The following HACE1 variants were observed in gnomAD, a reference collection of about 807,000 sequenced individuals.
HACE1 encodes E3 ubiquitin-protein ligase HACE1.
Under a neutral mutation model 118.4 loss-of-function variants are expected in HACE1, and 73 were observed. The ratio of observed to expected loss-of-function variants is 0.62; its 90% CI spans 0.51 to 0.75. The LOEUF is 0.75. Among genes scored for constraint, HACE1 ranks in the 30% least tolerant of loss-of-function variants. The pLI is 0.00. For missense variants in HACE1, 749 were observed against 1,102.2 expected (o/e 0.68, Z 4.54); for synonymous variants, 368 against 374.8 (o/e 0.98, Z 0.21).
intron 5 of HACE1, 48 bp from the exon 6 acceptor site, chr6:104,833,221 T>TA: frequency 6.6e-7 from 1 of 1,523,372 alleles, no homozygotes; most frequent in Admixed American, 1.7e-5. Flanking sequence ...GTGTTTTATA[T>TA]AAAAACAGCA....
Position 104,762,713 on chromosome 6 carries a change from G to A in HACE1, c.2211+8480C>T, listed in dbSNP as rs561552570. 2.1e-4 allele frequency among the ~76,000 whole-genome samples: 32 copies of A among 151,958 alleles called. No homozygotes were observed. In the East Asian group the frequency reaches 4.5e-3, roughly 21 times the overall value. On this transcript the variant is annotated intron_variant, in intron 19 of 23. Transcript: ENST00000262903. ...TAAAGTATAATTTTAAAAAAAGGCC[G>A]GGCGCGGTAGCTCACACCTGTAATC...
chr6:104,839,825 G>A (rs1217349785), intron 5 of HACE1, among the ~76,000 whole-genome samples: 4 of 152,072 alleles, frequency 2.6e-5, no homozygotes, highest in African/African-American at 4.8e-5. Flanking sequence ...GGCCAACATC[G>A]TGAAACCCCA....
intron 22 of HACE1, among the ~76,000 whole-genome samples, chr6:104,741,664 T>G: frequency 6.9e-6 from 1 of 144,268 alleles, no homozygotes; most frequent in Non-Finnish European, 1.5e-5. Context: ...TAAAAGAGGA[T>G]ACAAACAAAT....
chr6:104,737,465 G>A (rs1582581293), intron 22 of HACE1, among the ~76,000 whole-genome samples: 1 of 152,108 alleles, frequency 6.6e-6, no homozygotes, highest in Non-Finnish European at 1.5e-5. Context: ...AGGTCAGTGG[G>A]TGTGCGCACC....
intron 6 of HACE1, among the ~76,000 whole-genome samples, chr6:104,816,595 T>C (rs1477005647): frequency 9.0e-6 from 1 of 110,964 alleles, no homozygotes; most frequent in Non-Finnish European, 2.1e-5. Context: ...GCTGCAGGAG[T>C]AGAGCCTTCA....
intron 6 of HACE1, among the ~76,000 whole-genome samples, chr6:104,826,748 A>G (rs1204393799): frequency 6.6e-6 from 1 of 152,214 alleles, no homozygotes; most frequent in African/African-American, 2.4e-5. Context: ...ACATTTATAC[A>G]TAATTTTAAG....
chr6:104,817,017 T>C (rs1318404916), intron 6 of HACE1, among the ~76,000 whole-genome samples: 1 of 152,222 alleles, frequency 6.6e-6, no homozygotes, highest in Non-Finnish European at 1.5e-5. Flanking sequence ...TCAATGCCTG[T>C]ACCCCCACTG....
At chr6:104,811,475 G>T in intron 6 of HACE1, 82 bp from the exon 7 acceptor site, 1 of 709,924 alleles carries the variant, frequency 1.4e-6, no homozygotes. Flanking sequence ...TCCATATAAG[G>T]GAAGTTCTTC....
At chr6:104,796,543 A>G in intron 9 of HACE1, 112 bp downstream of exon 9, 1 of 704,702 alleles carries the variant, frequency 1.4e-6, no homozygotes, top group East Asian at 2.7e-5. Flanking sequence ...AATTATTAAG[A>G]TATTTGTGAC....
chr6:104,801,384 T>C (rs981830188), intron 7 of HACE1, among the ~76,000 whole-genome samples: 2 of 152,034 alleles, frequency 1.3e-5, no homozygotes, highest in African/African-American at 4.8e-5. Flanking sequence ...AAGATGCTCC[T>C]CAAGAAGAGC....
intron 19 of HACE1, among the ~76,000 whole-genome samples, chr6:104,757,387 G>C (rs1017191741): frequency 6.6e-6 from 1 of 152,206 alleles, no homozygotes; most frequent in African/African-American, 2.4e-5. Context: ...CTCCGCTGGT[G>C]ATACCCAGGC....
At chr6:104,795,370 T>C (rs1470891723) in intron 10 of HACE1, among the ~76,000 whole-genome samples, 1 of 152,228 alleles carries the variant, frequency 6.6e-6, no homozygotes, top group East Asian at 1.9e-4. Flanking sequence ...CACTGAAGTA[T>C]GCTCTATTTT....
chr6:104,764,094 AGACAGAGTCTCAC>A (rs1779707739), intron 19 of HACE1, among the ~76,000 whole-genome samples: 1 of 151,992 alleles, frequency 6.6e-6, no homozygotes, highest in African/African-American at 2.4e-5. Context: ...ATTTTTTGTG[AGACAGAGTCTCAC>A]TCTGTTGCTC....
chr6:104,855,401 C>T (rs1490225266), intron 1 of HACE1, among the ~76,000 whole-genome samples: 5 of 151,972 alleles, frequency 3.3e-5, no homozygotes, highest in Non-Finnish European at 7.4e-5. Context: ...CGAGATCATG[C>T]CACTGCACTC....
intron 6 of HACE1, among the ~76,000 whole-genome samples, chr6:104,818,924 G>A (rs544500751): frequency 3.3e-5 from 5 of 151,910 alleles, no homozygotes; most frequent in African/African-American, 1.2e-4. Context: ...CAAACTCACA[G>A]CCAGTATCAT....
intron 21 of HACE1, 33 bp downstream of exon 21, chr6:104,744,479 T>G: frequency 8.4e-7 from 1 of 1,193,434 alleles, no homozygotes; most frequent in East Asian, 2.3e-5. Context: ...ACGGCAAAAC[T>G]TAACTTCATT....
At chr6:104,761,295 A>G (rs555989853) in intron 19 of HACE1, among the ~76,000 whole-genome samples, 1 of 152,292 alleles carries the variant, frequency 6.6e-6, no homozygotes, top group East Asian at 1.9e-4. Flanking sequence ...CAGACTTCAA[A>G]CTATACTACA....
intron 7 of HACE1, among the ~76,000 whole-genome samples, chr6:104,807,172 C>T (rs569994036): frequency 1.3e-5 from 2 of 151,902 alleles, no homozygotes; most frequent in Admixed American, 6.6e-5. Flanking sequence ...TACAGGCGTG[C>T]GCCACAATGC....
At chr6:104,766,346 T>C (rs1233605035) in intron 19 of HACE1, among the ~76,000 whole-genome samples, 1 of 152,154 alleles carries the variant, frequency 6.6e-6, no homozygotes, top group East Asian at 1.9e-4. Flanking sequence ...GTGTTCTGAG[T>C]GCCCCCTGGT....
Sources: gnomAD v4.1 joint callset for allele counts (sites outside exome capture counted in the v4.1 genomes callset) on GRCh38, gnomAD v4.1.1 for gene constraint, MANE v1.5 for transcripts, NCBI Gene and HGNC (gene_info 2026-07-23, HGNC 2026-07-21) for gene names.